The following PAPSS1 variants were observed in gnomAD, a reference collection of about 807,000 sequenced individuals.
PAPSS1 encodes the protein 3'-phosphoadenosine 5'-phosphosulfate synthase 1.
Under a neutral mutation model 72.0 loss-of-function variants are expected in PAPSS1, and 50 were observed. The observed-to-expected ratio is 0.69, with a 90% CI of 0.55 to 0.88. PAPSS1 has a LOEUF of 0.88. Among genes scored for constraint, PAPSS1 ranks in the 40% least tolerant of loss-of-function variants. The probability of loss-of-function intolerance (pLI) is 0.00; values close to 1 mark genes in which losing one functional copy is unlikely to be tolerated. For synonymous variants in PAPSS1, 261 were observed against 263.6 expected (o/e 0.99, Z 0.09); for missense variants, 657 against 782.2 (o/e 0.84, Z 1.91).
rs144595386 is a variant in PAPSS1 at position 107,693,858 on chromosome 4, C to T, written c.324G>A (p.Glu108=). 8.7e-5 allele frequency: 140 copies of T among 1,613,986 alleles called. 1 individual carries two copies. The African/African-American group carries it at 1.5e-3, about 17-fold the overall frequency. The change falls in exon 3 of 12, where the codon GAG becomes GAA. Residue 108 remains glutamate, a synonymous_variant. Transcript: ENST00000265174. ...CAACTTCTGCGATGCGTCGAACATT[C>T]TCTTCTCTGTCTTCAGGACTAAAGC... The part of the protein sequence containing the change: ...NLGFSPEDRE[E]NVRRIAEVAK...
intron 9 of PAPSS1, among the ~76,000 whole-genome samples, chr4:107,648,818 T>A (rs142935913): frequency 2.6e-5 from 4 of 152,186 alleles, no homozygotes; most frequent in African/African-American, 7.2e-5. Context: ...ACAAAGCAGT[T>A]TGATCTCCCC....
chr4:107,656,409 C>A (rs1044256461), intron 7 of PAPSS1, among the ~76,000 whole-genome samples: 2 of 152,194 alleles, frequency 1.3e-5, no homozygotes, highest in Non-Finnish European at 2.9e-5. Context: ...AGCCACTGCG[C>A]CTGGCCAACA....
At chr4:107,719,780 T>G (rs1432268687) in intron 1 of PAPSS1, 3 of 1,157,648 alleles carry the variant, frequency 2.6e-6, no homozygotes, top group Non-Finnish European at 3.2e-6. Flanking sequence ...GCCGCAGGTT[T>G]CAGCACCCGG....
chr4:107,647,656 A>G (rs975068154), intron 9 of PAPSS1, among the ~76,000 whole-genome samples: 2 of 152,132 alleles, frequency 1.3e-5, no homozygotes, highest in Non-Finnish European at 2.9e-5. Context: ...GTTTTGTGCA[A>G]TCTTCCAGTT....
At chr4:107,690,838 A>G (rs911002276) in intron 3 of PAPSS1, among the ~76,000 whole-genome samples, 1 of 152,120 alleles carries the variant, frequency 6.6e-6, no homozygotes, top group African/African-American at 2.4e-5. Flanking sequence ...AGATCAGCAC[A>G]CACTCTTAGA....
intron 9 of PAPSS1, among the ~76,000 whole-genome samples, chr4:107,647,301 T>A (rs1347973581): frequency 6.6e-6 from 1 of 152,186 alleles, no homozygotes. Flanking sequence ...ACTACCACAG[T>A]GTGGAGGACA....
At chr4:107,655,411 A>G (rs1726976818) in intron 7 of PAPSS1, among the ~76,000 whole-genome samples, 1 of 152,242 alleles carries the variant, frequency 6.6e-6, no homozygotes, top group Non-Finnish European at 1.5e-5. Context: ...AGAACTATCC[A>G]AAAAGTTTTT....
At chr4:107,621,542 G>T (rs1725953864) in intron 11 of PAPSS1, among the ~76,000 whole-genome samples, 1 of 146,714 alleles carries the variant, frequency 6.8e-6, no homozygotes, top group Non-Finnish European at 1.5e-5. Context: ...ACCCAAGAAT[G>T]CATCAAAATC....
chr4:107,675,172 A>G (rs1190254561), intron 5 of PAPSS1, among the ~76,000 whole-genome samples: 1 of 152,222 alleles, frequency 6.6e-6, no homozygotes, highest in Non-Finnish European at 1.5e-5. Context: ...AAGACAAGAA[A>G]TAACTAAGAT....
At chr4:107,665,480 T>A (rs374563327) in intron 5 of PAPSS1, among the ~76,000 whole-genome samples, 4 of 152,160 alleles carry the variant, frequency 2.6e-5, no homozygotes, top group African/African-American at 9.7e-5. Context: ...CTTTGCTTCA[T>A]GAAATGTCCT....
intron 1 of PAPSS1, among the ~76,000 whole-genome samples, chr4:107,704,508 G>A (rs188547506): frequency 2.6e-5 from 4 of 152,284 alleles, no homozygotes; most frequent in South Asian, 2.1e-4. Context: ...CCCTTATTAC[G>A]TTGAAGTACA....
intron 1 of PAPSS1, among the ~76,000 whole-genome samples, chr4:107,712,027 G>T (rs1339286674): frequency 1.3e-5 from 2 of 152,180 alleles, no homozygotes; most frequent in Non-Finnish European, 2.9e-5. Flanking sequence ...TAAGTTACTA[G>T]CATGCTTATC....
rs968655706 is a variant in PAPSS1 at position 107,698,341 on chromosome 4, C to T, written c.175+2830G>A. On this transcript the variant is annotated intron_variant, in intron 2 of 11. Transcript: ENST00000265174. ...TATATGAAGGCTACAGAAGATTTGA[C>T]ACCACAACTGACAAGCTTAATCTAT... Among the ~76,000 whole-genome samples the T allele has an allele frequency of 8.3e-4, 127 of 152,312 alleles. 1 individual carries two copies. Among genetic ancestry groups the T allele is most frequent in the African/African-American group, 2.9e-3 (119 of 41,564 alleles).
At chr4:107,640,921 A>C (rs899889332) in intron 10 of PAPSS1, among the ~76,000 whole-genome samples, 4 of 152,132 alleles carry the variant, frequency 2.6e-5, no homozygotes, top group Non-Finnish European at 5.9e-5. Context: ...AAAACCTGGG[A>C]GCTCTGCAGG....
intron 3 of PAPSS1, among the ~76,000 whole-genome samples, chr4:107,691,990 T>C (rs954932752): frequency 6.6e-5 from 10 of 152,098 alleles, no homozygotes; most frequent in Admixed American, 5.9e-4. Context: ...GCTTGCCATA[T>C]GCAGAAGATT....
intron 9 of PAPSS1, among the ~76,000 whole-genome samples, chr4:107,652,091 C>A (rs1182879845): frequency 6.6e-6 from 1 of 152,160 alleles, no homozygotes; most frequent in Non-Finnish European, 1.5e-5. Flanking sequence ...GAACGAGGGC[C>A]TCTGGTTCAC....
intron 11 of PAPSS1, among the ~76,000 whole-genome samples, chr4:107,627,878 A>G (rs1726138353): frequency 6.6e-6 from 1 of 152,160 alleles, no homozygotes; most frequent in African/African-American, 2.4e-5. Context: ...GTATATATAC[A>G]CATACATACA....
chr4:107,630,037 C>T (rs1477318009), intron 11 of PAPSS1, among the ~76,000 whole-genome samples: 1 of 152,066 alleles, frequency 6.6e-6, no homozygotes. Context: ...CTTTAAGGGG[C>T]ACCCATTTTT....
At chr4:107,677,691 T>C (rs774545648) in intron 5 of PAPSS1, among the ~76,000 whole-genome samples, 4 of 152,202 alleles carry the variant, frequency 2.6e-5, no homozygotes, top group Non-Finnish European at 5.9e-5. Flanking sequence ...ACTGGGTATA[T>C]ACCCAAAGGA....
Sources: gnomAD v4.1 joint callset for allele counts (sites outside exome capture counted in the v4.1 genomes callset) on GRCh38, gnomAD v4.1.1 for gene constraint, MANE v1.5 for transcripts, NCBI Gene and HGNC (gene_info 2026-07-23, HGNC 2026-07-21) for gene names.